The following HABP2 variants were observed in gnomAD, a reference collection of about 807,000 sequenced individuals.
HABP2 encodes factor VII-activating protease.
In HABP2, 65 loss-of-function variants were observed where a neutral mutation model predicts 66.5. The ratio of observed to expected loss-of-function variants is 0.98; its 90% CI spans 0.80 to 1.20. The LOEUF is 1.20. Ranked by LOEUF, HABP2 falls within the 50% of genes most tolerant of loss-of-function variation. HABP2 has a pLI of 0.00. For synonymous variants in HABP2, 263 were observed against 253.9 expected, an observed-to-expected ratio of 1.04 and a Z score of -0.34; for missense variants, 786 against 691.0, an observed-to-expected ratio of 1.14 and a Z score of -1.54.
At chr10:113,572,237 G>A (rs1415121063) in intron 2 of HABP2, among the ~76,000 whole-genome samples, 1 of 152,188 alleles carries the variant, frequency 6.6e-6, no homozygotes, top group Non-Finnish European at 1.5e-5. Flanking sequence ...TTCACTGAGA[G>A]GTAAGCAGAC....
intron 2 of HABP2, among the ~76,000 whole-genome samples, chr10:113,574,087 C>T (rs956009282): frequency 6.6e-6 from 1 of 152,120 alleles, no homozygotes; most frequent in Non-Finnish European, 1.5e-5. Flanking sequence ...ACTACCTTGC[C>T]GGGTCATAGC....
chr10:113,587,595 A>G (rs900042166), intron 12 of HABP2, among the ~76,000 whole-genome samples: 1 of 152,140 alleles, frequency 6.6e-6, no homozygotes, highest in African/African-American at 2.4e-5. Context: ...AGCAGTATTA[A>G]GTTTTTGAGA....
At chr10:113,562,646 T>C (rs1404466596) in intron 1 of HABP2, among the ~76,000 whole-genome samples, 3 of 152,184 alleles carry the variant, frequency 2.0e-5, no homozygotes, top group Non-Finnish European at 2.9e-5. Context: ...GGTTTTGCCA[T>C]GTTGGCCAAG....
chr10:113,584,110 T>C (rs1845591125), intron 10 of HABP2, 38 bp from the exon 11 acceptor site: 2 of 1,602,570 alleles, frequency 1.2e-6, no homozygotes, highest in African/African-American at 2.7e-5. Context: ...GACAAAGAGG[T>C]GACATCGCAT....
intron 1 of HABP2, among the ~76,000 whole-genome samples, chr10:113,554,945 A>T (rs1232273170): frequency 1.3e-5 from 2 of 152,212 alleles, no homozygotes; most frequent in African/African-American, 4.8e-5. Flanking sequence ...TGTGTGCCAG[A>T]CAGGTGGTCG....
intron 2 of HABP2, among the ~76,000 whole-genome samples, chr10:113,569,369 C>T (rs1260755417): frequency 6.6e-6 from 1 of 152,166 alleles, no homozygotes; most frequent in African/African-American, 2.4e-5. Flanking sequence ...AGAGTAGATT[C>T]AGTTTAAAAA....
chr10:113,576,318 C>T (rs1437432083), intron 4 of HABP2, among the ~76,000 whole-genome samples: 1 of 152,146 alleles, frequency 6.6e-6, no homozygotes, highest in East Asian at 1.9e-4. Context: ...GCAACAGAGC[C>T]ATGTTGTCCT....
chr10:113,589,125 C>T lies in HABP2; in HGVS notation c.*756C>T. On this transcript the variant is annotated 3_prime_UTR_variant, in exon 13 of 13. Transcript: ENST00000351270. ...CCAAGTTAAAATGAAGCTCCCCCAC[C>T]CCCACTCCCGGCCCCGGTTCCCACA... The T allele has an allele frequency of 6.5e-7, 1 of 1,527,622 alleles. No individual in the cohort carries two copies. Among genetic ancestry groups the T allele is most frequent in the Non-Finnish European group, 9.0e-7 (1 of 1,105,194 alleles). 94.6% of individuals were successfully genotyped at this position (1,527,622 alleles called of 1,614,324 possible). A position where few individuals can be genotyped will look rare whatever the true frequency, so the allele number is the denominator to read the frequency against.
At position 113,588,556 on chromosome 10, in the gene HABP2, C is replaced by T. The variant is rs1845718916; in HGVS notation, c.*187C>T. The stretch of plus-strand genomic sequence containing the variant: ...CCAGCATTTGCACAATATCACCAGG[C>T]TTCTTCTGCCTCCCTTGGTAACCCA... On this transcript the variant is annotated 3_prime_UTR_variant, in exon 13 of 13. Transcript: ENST00000351270. 5.5e-6 allele frequency: 3 copies of T among 547,944 alleles called. No individual in the cohort carries two copies. Among genetic ancestry groups the T allele is most frequent in the Admixed American group, 6.6e-5 (2 of 30,270 alleles). The allele number at this position is 547,944 out of a possible 1,614,324, so 33.9% of individuals were successfully genotyped here. A position where few individuals can be genotyped will look rare whatever the true frequency, so the allele number is the denominator to read the frequency against.
Position 113,589,158 on chromosome 10 carries a change from C to A in HABP2, c.*789C>A. On this transcript the variant is annotated 3_prime_UTR_variant, in exon 13 of 13. Coordinates refer to ENST00000351270, the MANE Select transcript of HABP2 (RefSeq NM_004132.5). ...CCGGCCCCGGTTCCCACAGGACACG[C>A]TAAGAAGCACAGGGAGCATTTAACA... is the stretch of plus-strand genomic sequence containing the variant. The A allele has an allele frequency of 8.7e-7, 1 of 1,144,342 alleles. No homozygotes were observed. Among genetic ancestry groups the A allele is most frequent in the Non-Finnish European group, 1.3e-6 (1 of 774,734 alleles). 70.9% of individuals were successfully genotyped at this position (1,144,342 alleles called of 1,614,324 possible). A position where few individuals can be genotyped will look rare whatever the true frequency, so the allele number is the denominator to read the frequency against.
At chr10:113,584,347 A>G in intron 11 of HABP2, 65 bp downstream of exon 11, 1 of 1,380,696 alleles carries the variant, frequency 7.2e-7, no homozygotes, top group Non-Finnish European at 1.0e-6. Flanking sequence ...GAAAGGCCAA[A>G]CTCAACTGCC....
At chr10:113,576,924 A>C (rs1398334162) in intron 4 of HABP2, among the ~76,000 whole-genome samples, 1 of 152,150 alleles carries the variant, frequency 6.6e-6, no homozygotes, top group African/African-American at 2.4e-5. Context: ...TTTTTTTATT[A>C]AGATATAAAA....
rs1044847015 is a variant in HABP2, at chr10:113,588,939, C to G, written c.*570C>G. The G allele has an allele frequency of 6.5e-6, 10 of 1,546,000 alleles. No individual in the cohort carries two copies. The highest frequency in any genetic ancestry group is 8.0e-6 in the Non-Finnish European group (9 of 1,121,462). Reference sequence around the variant, plus strand: ...AAGCCTGTCTCTGGTGAACAAACTTCCTCTCTGGCCTCTCAGGAATCAGGG... The same window carrying G: ...AAGCCTGTCTCTGGTGAACAAACTTGCTCTCTGGCCTCTCAGGAATCAGGG... On this transcript the variant is annotated 3_prime_UTR_variant, in exon 13 of 13. Coordinates refer to ENST00000351270, the MANE Select transcript of HABP2 (RefSeq NM_004132.5).
At chr10:113,581,254 C>A (rs546912261) in intron 8 of HABP2, among the ~76,000 whole-genome samples, 1 of 152,316 alleles carries the variant, frequency 6.6e-6, no homozygotes, top group Non-Finnish European at 1.5e-5. Flanking sequence ...TACAACTATT[C>A]TTTGAGAACC....
chr10:113,574,180 TC>T, intron 2 of HABP2, 108 bp from the exon 3 acceptor site: 1 of 672,616 alleles, frequency 1.5e-6, no homozygotes, highest in Admixed American at 2.1e-5. Flanking sequence ...ACATGATTCC[TC>T]CTGCAGGACT....
intron 2 of HABP2, among the ~76,000 whole-genome samples, chr10:113,567,764 C>G (rs1174977306): frequency 1.3e-5 from 2 of 152,192 alleles, no homozygotes; most frequent in Non-Finnish European, 2.9e-5. Flanking sequence ...GAAATACTGC[C>G]TACGTACTTA....
intron 4 of HABP2, among the ~76,000 whole-genome samples, chr10:113,576,881 C>A (rs1845420980): frequency 1.3e-5 from 2 of 152,160 alleles, no homozygotes; most frequent in Non-Finnish European, 2.9e-5. Flanking sequence ...AAAATTGCAG[C>A]TCTGTTTGGT....
chr10:113,560,798 A>T (rs181470232), intron 1 of HABP2, among the ~76,000 whole-genome samples: 1 of 152,358 alleles, frequency 6.6e-6, no homozygotes. Context: ...TTCCGCTTCC[A>T]TGAGATACTT....
chr10:113,570,260 G>T (rs975089958), intron 2 of HABP2: 1 of 152,232 alleles, frequency 6.6e-6, no homozygotes, highest in East Asian at 1.9e-4. Context: ...GGTGAAGTAA[G>T]ATTGTGGGCA....
Sources: allele counts gnomAD v4.1 joint callset (sites outside exome capture counted in the v4.1 genomes callset), GRCh38; gene constraint gnomAD v4.1.1; transcripts MANE v1.5; gene names NCBI Gene and HGNC (gene_info 2026-07-23, HGNC 2026-07-21).